The following PDE4B variants were observed in gnomAD, a reference collection of about 807,000 sequenced individuals.
PDE4B encodes the protein 3',5'-cyclic-AMP phosphodiesterase 4B.
In PDE4B, 20 loss-of-function variants were observed where a neutral mutation model predicts 82.2. The ratio of observed to expected loss-of-function variants is 0.24; its 90% CI spans 0.17 to 0.35. PDE4B has a LOEUF of 0.35. Ranked by LOEUF, PDE4B falls within the 10% of genes least tolerant of loss-of-function variation. The pLI is 1.00. For missense variants in PDE4B, 655 were observed against 907.2 expected (o/e 0.72, Z 3.57); for synonymous variants, 320 against 318.9 (o/e 1.00, Z -0.04).
Position 65,870,193 on chromosome 1 carries a change from G to A in PDE4B, c.-70-43052G>A, listed in dbSNP as rs149076036. Among the ~76,000 whole-genome samples the A allele has an allele frequency of 1.2e-3, 185 of 152,248 alleles. 1 individual carries two copies. Among genetic ancestry groups the A allele is most frequent in the African/African-American group, 4.1e-3 (171 of 41,544 alleles). On this transcript the variant is annotated intron_variant, in intron 1 of 16. Transcript: ENST00000341517. ...CTTATGCATTTATATTCTCCAAGCTGAATAAATTGCAGAGCTAGGCCAAGA... is the reference window on the plus strand; with the variant it reads ...CTTATGCATTTATATTCTCCAAGCTAAATAAATTGCAGAGCTAGGCCAAGA...
In PDE4B at chr1:66,192,787, G is replaced by A. The variant is rs146804226; in HGVS notation, c.282-54673G>A. 5.9e-4 allele frequency among the ~76,000 whole-genome samples: 89 copies of A among 152,092 alleles called. 1 individual carries two copies. The East Asian group carries it at 0.014, about 24-fold the overall frequency. On this transcript the variant is annotated intron_variant, in intron 3 of 16. Transcript: ENST00000341517. ...TAATTTCTGAGTCTTGAGACATATG[G>A]CAATTAATAATAATAATAATAGCAG...
At chr1:65,840,218 GA>G (rs1571000104) in intron 1 of PDE4B, among the ~76,000 whole-genome samples, 1 of 151,868 alleles carries the variant, frequency 6.6e-6, no homozygotes, top group South Asian at 2.1e-4. Flanking sequence ...TGAGAAGTAT[GA>G]AAAAGTTGTA....
chr1:66,049,615 G>A (rs1570091274), intron 3 of PDE4B, among the ~76,000 whole-genome samples: 1 of 152,074 alleles, frequency 6.6e-6, no homozygotes, highest in South Asian at 2.1e-4. Flanking sequence ...AAATTAGTAT[G>A]CTGACATGAT....
chr1:65,937,511 T>C (rs919577115), intron 3 of PDE4B, among the ~76,000 whole-genome samples: 1 of 152,178 alleles, frequency 6.6e-6, no homozygotes, highest in Non-Finnish European at 1.5e-5. Flanking sequence ...GATGTGCAAA[T>C]GCCAGGGATT....
At chr1:66,109,478 TAA>T (rs5774798) in intron 3 of PDE4B, among the ~76,000 whole-genome samples, 46 of 151,480 alleles carry the variant, frequency 3.0e-4, no homozygotes, top group African/African-American at 8.7e-4. Flanking sequence ...GAAAACAATT[TAA>T]AAAAAAATTG....
intron 3 of PDE4B, among the ~76,000 whole-genome samples, chr1:66,031,403 G>C (rs1005919213): frequency 2.6e-5 from 4 of 152,286 alleles, no homozygotes; most frequent in Admixed American, 6.5e-5. Flanking sequence ...AGAAAAGGTA[G>C]CTCTCACTGG....
At chr1:66,331,271 A>T (rs1660086681) in intron 7 of PDE4B, among the ~76,000 whole-genome samples, 1 of 152,240 alleles carries the variant, frequency 6.6e-6, no homozygotes, top group Admixed American at 6.5e-5. Flanking sequence ...TTTACATTTT[A>T]TTAGTGCCTA....
chr1:65,860,447 T>C (rs1171046087), intron 1 of PDE4B, among the ~76,000 whole-genome samples: 4 of 152,232 alleles, frequency 2.6e-5, no homozygotes, highest in Non-Finnish European at 5.9e-5. Flanking sequence ...AATCTATCAC[T>C]GATGGGCATT....
intron 7 of PDE4B, among the ~76,000 whole-genome samples, chr1:66,300,730 T>C (rs1657828956): frequency 6.6e-6 from 1 of 152,160 alleles, no homozygotes; most frequent in African/African-American, 2.4e-5. Context: ...GTGTTTTTGA[T>C]TTCCCAGAGG....
At chr1:66,035,449 G>C (rs1202939593) in intron 3 of PDE4B, among the ~76,000 whole-genome samples, 1 of 152,060 alleles carries the variant, frequency 6.6e-6, no homozygotes, top group Non-Finnish European at 1.5e-5. Context: ...CTATAACTTT[G>C]TACTTATTGA....
rs2102088251 is a variant in PDE4B at position 66,374,423 on chromosome 1, G to A, written c.*1745G>A. On this transcript the variant is annotated 3_prime_UTR_variant, in exon 17 of 17. Coordinates refer to ENST00000341517, the MANE Select transcript of PDE4B (RefSeq NM_002600.4). The stretch of plus-strand genomic sequence containing the variant: ...AATGGCACAAATGTGCATGACCAAT[G>A]TATGTCTATGAACACTGCATTGTTT... 6.6e-6 allele frequency: 1 copy of A among 152,644 alleles called. No homozygotes were observed. Among genetic ancestry groups the A allele is most frequent in the South Asian group, 2.1e-4 (1 of 4,826 alleles). The allele number at this position is 152,644 out of a possible 1,614,324, so 9.5% of individuals were successfully genotyped here.
chr1:65,964,121 A>C (rs1346361980), intron 3 of PDE4B, among the ~76,000 whole-genome samples: 4 of 152,120 alleles, frequency 2.6e-5, no homozygotes, highest in Non-Finnish European at 5.9e-5. Flanking sequence ...TGAGAAAAAA[A>C]TTTATTCCAG....
chr1:66,166,784 A>G (rs1376011115), intron 3 of PDE4B, among the ~76,000 whole-genome samples: 1 of 152,092 alleles, frequency 6.6e-6, no homozygotes. Flanking sequence ...GGGAGAAAAT[A>G]TTTGTTAATC....
At chr1:66,252,799 A>G (rs187073881) in intron 4 of PDE4B, among the ~76,000 whole-genome samples, 3 of 152,206 alleles carry the variant, frequency 2.0e-5, no homozygotes, top group Admixed American at 6.5e-5. Context: ...CTTAGCTAGG[A>G]GTAGTGGTGC....
chr1:66,018,191 G>A (rs986057488), intron 3 of PDE4B, among the ~76,000 whole-genome samples: 5 of 152,118 alleles, frequency 3.3e-5, no homozygotes, highest in Non-Finnish European at 7.4e-5. Flanking sequence ...GCCAATGCGG[G>A]CGGATCACGA....
At chr1:66,269,893 A>G (rs994284126) in intron 7 of PDE4B, among the ~76,000 whole-genome samples, 2 of 152,222 alleles carry the variant, frequency 1.3e-5, no homozygotes, top group Non-Finnish European at 2.9e-5. Flanking sequence ...AATATGTATC[A>G]TGTATACAAT....
intron 1 of PDE4B, among the ~76,000 whole-genome samples, chr1:65,898,799 T>G (rs1569605090): frequency 6.6e-6 from 1 of 152,122 alleles, no homozygotes; most frequent in African/African-American, 2.4e-5. Flanking sequence ...ATCTCTCACC[T>G]TATACAAAAA....
At chr1:66,302,665 C>A (rs1259922227) in intron 7 of PDE4B, among the ~76,000 whole-genome samples, 1 of 152,150 alleles carries the variant, frequency 6.6e-6, no homozygotes, top group Non-Finnish European at 1.5e-5. Flanking sequence ...GATAAAGTGA[C>A]TGGTCAGCAT....
intron 3 of PDE4B, among the ~76,000 whole-genome samples, chr1:66,125,402 T>G (rs1245668416): frequency 6.6e-6 from 1 of 152,182 alleles, no homozygotes; most frequent in African/African-American, 2.4e-5. Context: ...GACATCATGA[T>G]CCACCTGTCT....
Sources: allele counts gnomAD v4.1 joint callset (sites outside exome capture counted in the v4.1 genomes callset), GRCh38; gene constraint gnomAD v4.1.1; transcripts MANE v1.5; gene names NCBI Gene and HGNC (gene_info 2026-07-23, HGNC 2026-07-21).